Variants in PCDHGB3 observed in about 807,000 individuals in gnomAD.
PCDHGB3 encodes protocadherin gamma subfamily B, 3.
Under a neutral mutation model 59.2 loss-of-function variants are expected in PCDHGB3, and 40 were observed. That is an observed-to-expected ratio of 0.68 (90% CI 0.52 to 0.88). The LOEUF is 0.88. Among genes scored for constraint, PCDHGB3 ranks in the 40% least tolerant of loss-of-function variants. The pLI, the probability that PCDHGB3 is intolerant of heterozygous loss-of-function variation, is 0.00. For synonymous variants in PCDHGB3, 581 were observed against 503.6 expected (o/e 1.15, Z -2.06); for missense variants, 1,309 against 1,187.9 (o/e 1.10, Z -1.50).
intron 1 of PCDHGB3, chr5:141,393,048 C>A (rs745354934): frequency 3.7e-6 from 6 of 1,613,672 alleles, no homozygotes; most frequent in Non-Finnish European, 5.1e-6. Flanking sequence ...TGCTCTGAAC[C>A]CGCGCAGCGG....
At chr5:141,467,373 T>C (rs2099143070) in intron 1 of PCDHGB3, among the ~76,000 whole-genome samples, 1 of 152,064 alleles carries the variant, frequency 6.6e-6, no homozygotes, top group Non-Finnish European at 1.5e-5. Context: ...TTTCTTATAT[T>C]GCATTTAGGT....
At chr5:141,427,733 C>T (rs2097062553) in intron 1 of PCDHGB3, 2 of 1,200,562 alleles carry the variant, frequency 1.7e-6, no homozygotes, top group East Asian at 4.7e-5. Context: ...GGCTGAATGG[C>T]CAAGTCTCCT....
At chr5:141,447,675 C>T (rs1416110491) in intron 1 of PCDHGB3, among the ~76,000 whole-genome samples, 13 of 152,064 alleles carry the variant, frequency 8.5e-5, no homozygotes, top group Admixed American at 8.5e-4. Context: ...TAGAACTGTT[C>T]CATATCTTGA....
chr5:141,404,934 C>G, intron 1 of PCDHGB3: 1 of 1,613,986 alleles, frequency 6.2e-7, no homozygotes. Context: ...GTCACGCTCA[C>G]AGTAGCCATA....
chr5:141,445,334 A>G (rs1337991795), intron 1 of PCDHGB3, among the ~76,000 whole-genome samples: 1 of 152,224 alleles, frequency 6.6e-6, no homozygotes, highest in African/African-American at 2.4e-5. Context: ...ATCCAGAAAC[A>G]GTAAACATTG....
rs765249445 is a variant in PCDHGB3, at chr5:141,489,754, C to T, written c.2416-5053C>T. ...CACCAATACTGTGAGCTTTTACACT[C>T]TAAGCCCCAACAGCCACTTCTCTCT... is the stretch of plus-strand genomic sequence containing the variant. On this transcript the variant is annotated intron_variant, in intron 1 of 3. Coordinates refer to ENST00000576222, the MANE Select transcript of PCDHGB3 (RefSeq NM_018924.5). The surrounding 1 kb of genome is among the most constrained non-coding windows in gnomAD (Gnocchi z 4.5). The T allele has an allele frequency of 4.0e-5, 64 of 1,613,992 alleles. No individual in the cohort carries two copies. The South Asian group carries it at 6.8e-4, about 17-fold the overall frequency.
At chr5:141,378,359 C>G (rs1254608030) in intron 1 of PCDHGB3, 1 of 152,222 alleles carries the variant, frequency 6.6e-6, no homozygotes, top group Non-Finnish European at 1.5e-5. Context: ...CCCGTCTCTA[C>G]TAAAAATACA....
At position 141,431,754 on chromosome 5, in the gene PCDHGB3, A is replaced by C; in HGVS notation, c.2415+58945A>C. ...AATGCAGGATATTCTGCGCGAGCCA[A>C]AGTCCTGATCACTGTTCTGGACGTG... On this transcript the variant is annotated intron_variant, in intron 1 of 3. Transcript: ENST00000576222. The surrounding 1 kb of genome is among the most constrained non-coding windows in gnomAD (Gnocchi z 4.8). The C allele has an allele frequency of 6.2e-7, 1 of 1,614,208 alleles. No individual in the cohort carries two copies. Among genetic ancestry groups the C allele is most frequent in the Middle Eastern group, 1.6e-4 (1 of 6,062 alleles).
At chr5:141,418,844 A>G (rs781310201) in intron 1 of PCDHGB3, 2 of 1,613,936 alleles carry the variant, frequency 1.2e-6, no homozygotes, top group South Asian at 2.2e-5. Context: ...ATCTCTCTCA[A>G]CACGGTGTAA....
In PCDHGB3 at chr5:141,511,116, G is replaced by A. The variant is rs2099883616; in HGVS notation, c.2733G>A (p.Lys911=). Residue 911 remains lysine, a synonymous_variant, in exon 4 of 4, where the codon AAG becomes AAA. Transcript: ENST00000576222. The stretch of plus-strand genomic sequence containing the variant: ...ACGCAGCTGGCAAGCGGGATGGCAA[G>A]GCCCCAGCAGGTGGCAATGGCAACA... ...LTNAAGKRDG[K]APAGGNGNKK... The A allele has an allele frequency of 1.9e-6, 3 of 1,614,234 alleles. No individual in the cohort carries two copies. The highest frequency in any genetic ancestry group is 2.5e-6 in the Non-Finnish European group (3 of 1,180,026).
rs751318430 is a variant in PCDHGB3 at position 141,485,603 on chromosome 5, G to A, written c.2416-9204G>A. 1 of 1,612,482 alleles carries A rather than the reference G, an allele frequency of 6.2e-7. No homozygotes were observed. The stretch of plus-strand genomic sequence containing the variant: ...GCAGCAGCTGGACTTGGAAATTGGG[G>A]AGGCAGCTCCTCCAGGACAGCGTTT... On this transcript the variant is annotated intron_variant, in intron 1 of 3. Coordinates refer to ENST00000576222, the MANE Select transcript of PCDHGB3 (RefSeq NM_018924.5). This position sits in a 1 kb window ranked among gnomAD's most constrained non-coding sequence, Gnocchi z 5.7.
At position 141,376,756 on chromosome 5, in the gene PCDHGB3, G is replaced by C. The variant is rs1049941497; in HGVS notation, c.2415+3947G>C. The stretch of plus-strand genomic sequence containing the variant: ...CTGCGGACTGCAGTGGCGCAATCTC[G>C]GCTCACTGCAAGCTCCGCTTCCCGG... On this transcript the variant is annotated intron_variant, in intron 1 of 3. Transcript: ENST00000576222. 3.1e-5 allele frequency: 14 copies of C among 448,188 alleles called. No individual in the cohort carries two copies. The Admixed American group carries it at 4.2e-4, about 14-fold the overall frequency. The allele number at this position is 448,188 out of a possible 1,614,324, so 27.8% of individuals were successfully genotyped here. A position where few individuals can be genotyped will look rare whatever the true frequency, so the allele number is the denominator to read the frequency against.
chr5:141,370,738 A>G lies in PCDHGB3; in HGVS notation c.344A>G (p.Asn115Ser). The change falls in exon 1 of 4, where the codon AAC (asparagine) becomes AGC (serine). Residue 115 changes from asparagine (N) to serine (S), a missense_variant. Transcript: ENST00000576222. ...EFEMVAEKPL[N>S]FFHVTVLIQD... ...GAAATGGTTGCTGAAAAGCCTTTAA[A>G]CTTTTTTCATGTAACTGTGCTGATC... 2 of 1,613,902 alleles carry G rather than the reference A, an allele frequency of 1.2e-6. No homozygotes were observed. The highest frequency in any genetic ancestry group is 1.7e-6 in the Non-Finnish European group (2 of 1,179,892).
At chr5:141,422,100 A>G (rs1019775470) in intron 1 of PCDHGB3, 2 of 1,609,786 alleles carry the variant, frequency 1.2e-6, no homozygotes, top group Non-Finnish European at 1.7e-6. Context: ...AGGCTTCTGA[A>G]ATATTCCAAT....
chr5:141,412,020 C>G (rs1158851404), intron 1 of PCDHGB3: 1 of 145,358 alleles, frequency 6.9e-6, no homozygotes, highest in Non-Finnish European at 1.5e-5. Context: ...TCTGAACATC[C>G]TGTTCTCTGT....
At position 141,370,660 on chromosome 5, in the gene PCDHGB3, G is replaced by T. The variant is rs199537402; in HGVS notation, c.266G>T (p.Arg89Leu). 1.4e-4 allele frequency: 220 copies of T among 1,613,752 alleles called. No individual in the cohort carries two copies. The highest frequency in any genetic ancestry group is 4.9e-4 in the Middle Eastern group (3 of 6,084). Reference sequence around the variant, plus strand: ...AATGGGAACTTACTTGTGAGCGACCGTATAGACCGAGAGGAGATTTGTGGC... The same window carrying T: ...AATGGGAACTTACTTGTGAGCGACCTTATAGACCGAGAGGAGATTTGTGGC... ...PENGNLLVSD[R>L]IDREEICGKK... The change falls in exon 1 of 4, where the codon CGT becomes CTT. Residue 89 changes from arginine to leucine, a missense_variant. Transcript: ENST00000576222.
chr5:141,482,753 G>A (rs2154579665), intron 1 of PCDHGB3, among the ~76,000 whole-genome samples: 1 of 127,136 alleles, frequency 7.9e-6, no homozygotes. Context: ...GAGGGATTAT[G>A]GTATTTCATT....
rs200868391 is a variant in PCDHGB3 at position 141,415,586 on chromosome 5, C to T, written c.2415+42777C>T. 540 of 1,613,746 alleles carry T rather than the reference C, an allele frequency of 3.3e-4. No individual in the cohort carries two copies. Among genetic ancestry groups the T allele is most frequent in the Non-Finnish European group, 4.5e-4 (527 of 1,179,996 alleles). ...TCTTTGTTAGATGATTCGAAGTTTCCTATAGAGGATACCCCATTGGTTCCA... is the reference window on the plus strand; with the variant it reads ...TCTTTGTTAGATGATTCGAAGTTTCTTATAGAGGATACCCCATTGGTTCCA... On this transcript the variant is annotated intron_variant, in intron 1 of 3. Coordinates refer to ENST00000576222, the MANE Select transcript of PCDHGB3 (RefSeq NM_018924.5).
intron 1 of PCDHGB3, among the ~76,000 whole-genome samples, chr5:141,469,108 C>A (rs923728484): frequency 4.0e-5 from 6 of 151,768 alleles, no homozygotes; most frequent in Non-Finnish European, 5.9e-5. Context: ...AAGAACCTGT[C>A]TCTAAAAAAA....
Sources: allele counts gnomAD v4.1 joint callset (sites outside exome capture counted in the v4.1 genomes callset), GRCh38; gene constraint gnomAD v4.1.1; non-coding constraint Gnocchi (gnomAD v3.1); transcripts MANE v1.5; gene names NCBI Gene and HGNC (gene_info 2026-07-23, HGNC 2026-07-21).